The following DFFB variants were observed in gnomAD, a reference collection of about 807,000 sequenced individuals.
DFFB encodes DNA fragmentation factor 40 kDa subunit.
A neutral mutation model predicts 32.7 loss-of-function variants in DFFB; 29 were observed. That is an observed-to-expected ratio of 0.89 (90% confidence interval 0.66 to 1.21). The LOEUF (loss-of-function observed/expected upper bound fraction) is 1.21. DFFB is among the 50% of genes most tolerant of loss of function. DFFB has a pLI of 0.00. For missense variants in DFFB, 398 were observed against 440.6 expected (o/e 0.90, Z 0.87); for synonymous variants, 170 against 177.1 (o/e 0.96, Z 0.32).
rs547471820 is a variant in DFFB at position 3,872,353 on chromosome 1, T to C, written c.682-119T>C. 2.8e-4 allele frequency: 192 copies of C among 683,168 alleles called. 1 individual carries two copies. The South Asian group carries it at 2.9e-3, about 10-fold the overall frequency. The allele number at this position is 683,168 out of a possible 1,614,324, so 42.3% of individuals were successfully genotyped here. On this transcript the variant is annotated intron_variant, in intron 5 of 6. Transcript: ENST00000378209. Reference sequence around the variant, plus strand: ...GCTTCAACACGGGAGGCGGAGGTTGTAGTAAGCCGAGATCGGGCCACTGCA... The same window carrying C: ...GCTTCAACACGGGAGGCGGAGGTTGCAGTAAGCCGAGATCGGGCCACTGCA...
chr1:3,876,158 A>G (rs1263237160), intron 6 of DFFB, among the ~76,000 whole-genome samples: 1 of 152,202 alleles, frequency 6.6e-6, no homozygotes, highest in East Asian at 1.9e-4. Flanking sequence ...TCTATCCGAA[A>G]GAGATTCTCC....
chr1:3,869,336 C>T (rs1645062728), intron 4 of DFFB, among the ~76,000 whole-genome samples: 1 of 152,252 alleles, frequency 6.6e-6, no homozygotes, highest in Admixed American at 6.5e-5. Flanking sequence ...GCTGGGATTA[C>T]AGACGTGAGC....
At position 3,883,916 on chromosome 1, in the gene DFFB, GT is replaced by G. The variant is rs557201426; in HGVS notation, c.*183del. 28 of 604,592 alleles carry G rather than the reference GT, an allele frequency of 4.6e-5. No individual in the cohort carries two copies. The highest frequency in any genetic ancestry group is 5.8e-5 in the Non-Finnish European group (20 of 344,880). The allele number at this position is 604,592 out of a possible 1,614,324, so 37.5% of individuals were successfully genotyped here. A position where few individuals can be genotyped will look rare whatever the true frequency, so the allele number is the denominator to read the frequency against. ...TTCATTACATTTCTGAATTGTTGGG[GT>G]TTTTTTTGTTGTTTTGTTTTGTTTT... On this transcript the variant is annotated 3_prime_UTR_variant, in exon 7 of 7. Transcript: ENST00000378209.
chr1:3,868,664 A>ACCACACCAGGCCACGCCACACCAAG, intron 4 of DFFB, among the ~76,000 whole-genome samples: 4 of 8,962 alleles, frequency 4.5e-4, no homozygotes, highest in African/African-American at 1.2e-3. Context: ...ACCAGGCCAC[A>ACCACACCAGGCCACGCCACACCAAG]CCACACCACA....
intron 6 of DFFB, among the ~76,000 whole-genome samples, chr1:3,879,626 G>A (rs941286084): frequency 3.9e-5 from 6 of 152,120 alleles, no homozygotes; most frequent in African/African-American, 1.4e-4. Context: ...CCCGGCGTGC[G>A]GGCACCTGTT....
intron 5 of DFFB, among the ~76,000 whole-genome samples, chr1:3,872,157 G>A (rs556432980): frequency 6.6e-6 from 1 of 152,196 alleles, no homozygotes; most frequent in Non-Finnish European, 1.5e-5. Context: ...CTCAACGCCT[G>A]TAATCCCAGC....
rs1448200639 is a variant in DFFB, at chr1:3,884,577, T to TTTTG, written c.*845_*848dup. ...AAGGACATTCACTGCTGATTTTTTT[T>TTTTG]TTTGTTTGTTTGAGACAGGGTCTCA... On this transcript the variant is annotated 3_prime_UTR_variant, in exon 7 of 7. Transcript: ENST00000378209. 1 of 152,044 alleles carries TTTTG rather than the reference T, an allele frequency of 6.6e-6. No homozygotes were observed. The highest frequency in any genetic ancestry group is 2.4e-5 in the African/African-American group (1 of 41,392). The allele number at this position is 152,044 out of a possible 1,614,324, so 9.4% of individuals were successfully genotyped here.
At chr1:3,875,446 C>T (rs1398535963) in intron 6 of DFFB, among the ~76,000 whole-genome samples, 4 of 152,144 alleles carry the variant, frequency 2.6e-5, no homozygotes, top group Non-Finnish European at 4.4e-5. Context: ...CCTCTGTTCC[C>T]TCTCTGAGCC....
chr1:3,861,122 C>G (rs1007753711), intron 2 of DFFB, among the ~76,000 whole-genome samples: 1 of 138,690 alleles, frequency 7.2e-6, no homozygotes, highest in Admixed American at 7.9e-5. Context: ...CCATTGCACT[C>G]TAGCCTGGGT....
At chr1:3,861,467 C>T (rs1305952521) in intron 2 of DFFB, among the ~76,000 whole-genome samples, 9 of 152,116 alleles carry the variant, frequency 5.9e-5, no homozygotes, top group African/African-American at 2.2e-4. Flanking sequence ...CTCACCCTGT[C>T]GCCCAGGCTG....
chr1:3,870,623 G>A (rs35035893), intron 5 of DFFB, among the ~76,000 whole-genome samples: 15,552 of 152,228 alleles, frequency 0.1, 848 homozygotes, highest in East Asian at 0.22. Context: ...GGCAGGGTGA[G>A]TCCTGCACAA....
intron 6 of DFFB, 103 bp downstream of exon 6, chr1:3,872,675 CCTGCCACGGTGTTG>C: frequency 9.7e-7 from 1 of 1,031,012 alleles, no homozygotes; most frequent in South Asian, 1.4e-5. Flanking sequence ...CGGCCCTGTC[CCTGCCACGGTGTTG>C]CCTCCTTGGG....
Position 3,873,021 on chromosome 1 carries a change from G to A in DFFB, c.782+449G>A. 2.4e-6 allele frequency: 3 copies of A among 1,261,414 alleles called. No homozygotes were observed. The South Asian group carries it at 3.8e-5, about 16-fold the overall frequency. 78.1% of individuals were successfully genotyped at this position (1,261,414 alleles called of 1,614,324 possible). ...TTTTTCTTTTTCTTTTAGAGATGGA[G>A]TCTTGCTCTGTGGCCCAGGCTAAAG... On this transcript the variant is annotated intron_variant, in intron 6 of 6. Transcript: ENST00000378209.
At chr1:3,877,845 A>G (rs1365584366) in intron 6 of DFFB, among the ~76,000 whole-genome samples, 1 of 113,586 alleles carries the variant, frequency 8.8e-6, no homozygotes, top group Non-Finnish European at 2.0e-5. Context: ...CCGGCTTTCT[A>G]TTCTGTGCCG....
intron 6 of DFFB, among the ~76,000 whole-genome samples, chr1:3,873,418 C>T (rs927624918): frequency 3.3e-5 from 5 of 151,900 alleles, no homozygotes; most frequent in African/African-American, 1.2e-4. Flanking sequence ...AAATTCAAAA[C>T]GTTTTGCGAC....
chr1:3,875,401 A>G (rs1180091302), intron 6 of DFFB, among the ~76,000 whole-genome samples: 1 of 152,154 alleles, frequency 6.6e-6, no homozygotes, highest in Non-Finnish European at 1.5e-5. Context: ...TCTGAGCTTG[A>G]GTCCCTCTAG....
intron 2 of DFFB, among the ~76,000 whole-genome samples, chr1:3,864,550 C>G (rs1486124676): frequency 1.3e-5 from 2 of 152,070 alleles, no homozygotes; most frequent in African/African-American, 4.8e-5. Context: ...AAAACAGAGA[C>G]AGGGTCTCAC....
intron 2 of DFFB, among the ~76,000 whole-genome samples, chr1:3,864,092 G>A (rs576660297): frequency 6.6e-5 from 10 of 151,956 alleles, no homozygotes; most frequent in East Asian, 3.9e-4. Context: ...TCAGCCTCCC[G>A]AGTAGCTGGG....
rs1645308130 is a variant in DFFB at position 3,880,199 on chromosome 1, C to A, written c.783-3308C>A. Among the ~76,000 whole-genome samples, 4 of 152,298 alleles carry A rather than the reference C, an allele frequency of 2.6e-5. No individual in the cohort carries two copies. In the South Asian group the frequency reaches 8.3e-4, roughly 32 times the overall value. ...CCCCAGTAAAGGCTGGCACCCAGGCCTGGTGAGCTTCCTGGTTGGCAGTGT... is the reference window on the plus strand; with the variant it reads ...CCCCAGTAAAGGCTGGCACCCAGGCATGGTGAGCTTCCTGGTTGGCAGTGT... On this transcript the variant is annotated intron_variant, in intron 6 of 6. Transcript: ENST00000378209.
Sources: allele counts gnomAD v4.1 joint callset (sites outside exome capture counted in the v4.1 genomes callset), GRCh38; gene constraint gnomAD v4.1.1; transcripts MANE v1.5; gene names NCBI Gene and HGNC (gene_info 2026-07-23, HGNC 2026-07-21).